Variants in VWA8 observed in about 807,000 individuals in gnomAD.
VWA8 encodes von Willebrand factor A domain-containing protein 8.
In VWA8, 221 loss-of-function variants were observed where a neutral mutation model predicts 241.5. That is an observed-to-expected ratio of 0.91 (90% CI 0.82 to 1.02). The LOEUF is 1.02. Ranked by LOEUF, VWA8 falls within the 50% of genes least tolerant of loss-of-function variation. The pLI is 0.00. For missense variants in VWA8, 2,322 were observed against 2,328.7 expected, an observed-to-expected ratio of 1.00 and a Z score of 0.06; for synonymous variants, 852 against 827.1, an observed-to-expected ratio of 1.03 and a Z score of -0.52.
At chr13:41,637,218 GA>G (rs1280793623) in intron 37 of VWA8, among the ~76,000 whole-genome samples, 1 of 151,436 alleles carries the variant, frequency 6.6e-6, no homozygotes, top group Non-Finnish European at 1.5e-5. Context: ...ATATACCATG[GA>G]ATACTATGCA....
chr13:41,645,716 G>A (rs888754263), intron 37 of VWA8, among the ~76,000 whole-genome samples: 1 of 152,140 alleles, frequency 6.6e-6, no homozygotes, highest in African/African-American at 2.4e-5. Flanking sequence ...GAATAAATGT[G>A]CTGAAGTGCC....
chr13:41,916,802 G>A (rs1430439531), intron 2 of VWA8, among the ~76,000 whole-genome samples: 5 of 152,142 alleles, frequency 3.3e-5, no homozygotes, highest in Non-Finnish European at 7.4e-5. Flanking sequence ...CAAGATTCAA[G>A]ACTGTACATT....
At chr13:41,713,060 T>C (rs1455798835) in intron 26 of VWA8, among the ~76,000 whole-genome samples, 1 of 152,246 alleles carries the variant, frequency 6.6e-6, no homozygotes, top group African/African-American at 2.4e-5. Context: ...CCTAGTTAAC[T>C]TGATTTTTCA....
At chr13:41,813,246 A>C (rs936995656) in intron 16 of VWA8, among the ~76,000 whole-genome samples, 4 of 152,198 alleles carry the variant, frequency 2.6e-5, no homozygotes, top group African/African-American at 9.6e-5. Flanking sequence ...TGGATGAAGG[A>C]CAGAGAGAAC....
intron 37 of VWA8, among the ~76,000 whole-genome samples, chr13:41,637,116 G>A (rs1446589805): frequency 6.6e-6 from 1 of 151,016 alleles, no homozygotes; most frequent in Non-Finnish European, 1.5e-5. Flanking sequence ...ACATGCACAG[G>A]TATGTTTATT....
intron 17 of VWA8, among the ~76,000 whole-genome samples, chr13:41,807,190 C>T (rs78930579): frequency 0.044 from 6,624 of 152,086 alleles, 218 homozygotes; most frequent in Non-Finnish European, 0.059. Flanking sequence ...AGATTGACAC[C>T]ATAACAAAAA....
At chr13:41,741,530 C>G (rs2137878960) in intron 21 of VWA8, among the ~76,000 whole-genome samples, 1 of 152,294 alleles carries the variant, frequency 6.6e-6, no homozygotes, top group African/African-American at 2.4e-5. Flanking sequence ...AGTTAAGAAA[C>G]TTTTCAGTTG....
At chr13:41,624,698 C>T (rs2139669620) in intron 37 of VWA8, among the ~76,000 whole-genome samples, 1 of 152,290 alleles carries the variant, frequency 6.6e-6, no homozygotes, top group Admixed American at 6.5e-5. Context: ...CCATCTATGA[C>T]AAACCCACAG....
At chr13:41,643,938 TAGTA>T (rs1356120820) in intron 37 of VWA8, among the ~76,000 whole-genome samples, 5 of 151,920 alleles carry the variant, frequency 3.3e-5, no homozygotes, top group African/African-American at 9.7e-5. Context: ...CAAGGAAACA[TAGTA>T]AGTGAGTTTT....
At chr13:41,703,670 TTACA>T (rs1339672631) in intron 26 of VWA8, among the ~76,000 whole-genome samples, 3 of 152,218 alleles carry the variant, frequency 2.0e-5, no homozygotes, top group African/African-American at 7.2e-5. Context: ...TACAATTGAT[TTACA>T]TACATACTCC....
At chr13:41,941,065 T>C (rs1418464948) in intron 2 of VWA8, among the ~76,000 whole-genome samples, 1 of 152,212 alleles carries the variant, frequency 6.6e-6, no homozygotes, top group Non-Finnish European at 1.5e-5. Flanking sequence ...AATAAAAGTA[T>C]GTAAACAAGA....
chr13:41,931,245 C>A (rs1593878923), intron 2 of VWA8, among the ~76,000 whole-genome samples: 3 of 105,956 alleles, frequency 2.8e-5, no homozygotes, highest in Non-Finnish European at 5.4e-5. Flanking sequence ...AGTTGGAGGA[C>A]ATTATGCTAA....
At chr13:41,766,137 C>T (rs1229109218) in intron 20 of VWA8, among the ~76,000 whole-genome samples, 1 of 152,080 alleles carries the variant, frequency 6.6e-6, no homozygotes, top group Admixed American at 6.5e-5. Flanking sequence ...GGGACCATGA[C>T]TTTAAGAATT....
intron 37 of VWA8, among the ~76,000 whole-genome samples, chr13:41,665,570 A>C (rs1165766490): frequency 7.4e-6 from 1 of 135,756 alleles, no homozygotes; most frequent in Non-Finnish European, 1.5e-5. Flanking sequence ...AAGTACATTA[A>C]GTAAGTACTT....
chr13:41,873,473 T>C (rs1199761427), intron 9 of VWA8, among the ~76,000 whole-genome samples: 1 of 151,784 alleles, frequency 6.6e-6, no homozygotes, highest in East Asian at 1.9e-4. Flanking sequence ...AAGAATCAAA[T>C]AGACACAATA....
chr13:41,598,905 T>A (rs1161828929), intron 40 of VWA8, among the ~76,000 whole-genome samples: 1 of 152,098 alleles, frequency 6.6e-6, no homozygotes, highest in African/African-American at 2.4e-5. Context: ...TAATTTTGCA[T>A]GGTACTTAGT....
At chr13:41,708,072 A>G (rs1357182108) in intron 26 of VWA8, among the ~76,000 whole-genome samples, 2 of 152,116 alleles carry the variant, frequency 1.3e-5, no homozygotes, top group Non-Finnish European at 2.9e-5. Flanking sequence ...ATATTTTTAC[A>G]TGGGGCCGGG....
intron 20 of VWA8, among the ~76,000 whole-genome samples, chr13:41,776,969 A>T (rs1047625249): frequency 2.0e-5 from 3 of 152,218 alleles, no homozygotes; most frequent in Non-Finnish European, 2.9e-5. Context: ...AAGAAAAAAT[A>T]GAAACCAAAC....
rs116663207 is a variant in VWA8 at position 41,893,919 on chromosome 13, C to T, written c.484-2332G>A. ...AAAATTCACATTTCAGTTAAGGTTT[C>T]AATTAAGCTTTTGCTCGCAAAAATA... On this transcript the variant is annotated intron_variant, in intron 4 of 44. Transcript: ENST00000379310. Among the ~76,000 whole-genome samples, 258 of 152,212 alleles carry T rather than the reference C, an allele frequency of 1.7e-3. 2 individuals carry two copies. The highest frequency in any genetic ancestry group is 5.7e-3 in the African/African-American group (237 of 41,554).
Sources: allele counts gnomAD v4.1 joint callset (sites outside exome capture counted in the v4.1 genomes callset), GRCh38; gene constraint gnomAD v4.1.1; transcripts MANE v1.5; gene names NCBI Gene and HGNC (gene_info 2026-07-23, HGNC 2026-07-21).